The following KANK4 variants were observed in gnomAD, a reference collection of about 807,000 sequenced individuals.
KANK4 encodes the protein KN motif and ankyrin repeat domains 4, also known as KN motif and ankyrin repeat domain-containing protein 4.
In KANK4, 50 loss-of-function variants were observed where a neutral mutation model predicts 80.8. That is an observed-to-expected ratio of 0.62 (90% CI 0.49 to 0.78). The LOEUF is 0.78. KANK4 is among the 30% of genes least tolerant of loss of function. The pLI is 0.00. For missense variants in KANK4, 1,196 were observed against 1,240.1 expected (o/e 0.96, Z 0.53); for synonymous variants, 465 against 506.9 (o/e 0.92, Z 1.11).
intron 2 of KANK4, among the ~76,000 whole-genome samples, chr1:62,278,873 T>C (rs1333698320): frequency 6.6e-6 from 1 of 152,144 alleles, no homozygotes; most frequent in Non-Finnish European, 1.5e-5. Context: ...CCACAGATTA[T>C]AAGGACAGGC....
At chr1:62,318,156 C>T (rs1644557783) in intron 1 of KANK4, among the ~76,000 whole-genome samples, 1 of 152,198 alleles carries the variant, frequency 6.6e-6, no homozygotes, top group South Asian at 2.1e-4. Context: ...TCACTGGCTG[C>T]ATCTGATCCT....
chr1:62,307,726 G>A (rs1644464361), intron 1 of KANK4, among the ~76,000 whole-genome samples: 1 of 152,020 alleles, frequency 6.6e-6, no homozygotes, highest in Admixed American at 6.5e-5. Context: ...GGCCATGGTG[G>A]GAGTGACTCA....
chr1:62,271,306 G>T (rs1672155665), intron 4 of KANK4, among the ~76,000 whole-genome samples, 172 bp downstream of exon 4: 1 of 152,186 alleles, frequency 6.6e-6, no homozygotes. Context: ...ACCACAGCTG[G>T]CAAGAAGCCA....
At chr1:62,252,308 C>G (rs1671641578) in intron 8 of KANK4, among the ~76,000 whole-genome samples, 1 of 152,244 alleles carries the variant, frequency 6.6e-6, no homozygotes, top group African/African-American at 2.4e-5. Context: ...TTCGCAGCAA[C>G]TGCTGCTCCC....
intron 6 of KANK4, 89 bp downstream of exon 6, chr1:62,266,643 C>A (rs1427495737): frequency 3.6e-6 from 3 of 832,310 alleles, no homozygotes; most frequent in Non-Finnish European, 6.1e-6. Context: ...GCCTGCCTCA[C>A]ACCACTGAAT....
intron 1 of KANK4, among the ~76,000 whole-genome samples, chr1:62,293,131 A>C (rs1217092526): frequency 1.3e-5 from 2 of 151,452 alleles, no homozygotes; most frequent in African/African-American, 4.9e-5. Flanking sequence ...TCTGTTGCCC[A>C]GGCTGGAGTA....
intron 3 of KANK4, 122 bp downstream of exon 3, chr1:62,273,082 C>T: frequency 1.5e-6 from 1 of 673,344 alleles, no homozygotes; most frequent in East Asian, 3.0e-5. Flanking sequence ...TGAGCCACTG[C>T]TCCCAGCTGC....
At chr1:62,252,066 C>T (rs1042960408) in intron 8 of KANK4, among the ~76,000 whole-genome samples, 3 of 151,480 alleles carry the variant, frequency 2.0e-5, no homozygotes, top group African/African-American at 7.3e-5. Flanking sequence ...TCTAGAGTAA[C>T]AAATGGGCTA....
At chr1:62,297,900 G>A (rs541446471) in intron 1 of KANK4, among the ~76,000 whole-genome samples, 7 of 152,290 alleles carry the variant, frequency 4.6e-5, no homozygotes, top group African/African-American at 7.2e-5. Flanking sequence ...CTTTGCAGAT[G>A]GAACACTCTG....
In KANK4 at chr1:62,319,281, C is replaced by A. The variant is rs944459109; in HGVS notation, c.-246G>T. The A allele has an allele frequency of 1.3e-5, 2 of 151,908 alleles. No individual in the cohort carries two copies. Among genetic ancestry groups the A allele is most frequent in the African/African-American group, 2.4e-5 (1 of 41,402 alleles). The allele number at this position is 151,908 out of a possible 1,614,324, so 9.4% of individuals were successfully genotyped here. A position where few individuals can be genotyped will look rare whatever the true frequency, so the allele number is the denominator to read the frequency against. The stretch of plus-strand genomic sequence containing the variant: ...GTCCGCGGCGCGCACACCCTCCAGG[C>A]GCCCTCTGGCCGACGGTCTCGGCCC... On this transcript the variant is annotated 5_prime_UTR_variant, in exon 1 of 10. Coordinates refer to ENST00000371153, the MANE Select transcript of KANK4 (RefSeq NM_181712.5).
chr1:62,287,465 G>A (rs1026264835), intron 1 of KANK4, among the ~76,000 whole-genome samples: 18 of 152,158 alleles, frequency 1.2e-4, no homozygotes, highest in African/African-American at 4.3e-4. Context: ...TCTAACCCAT[G>A]CTGAAATTGA....
At chr1:62,290,440 T>C (rs1245226767) in intron 1 of KANK4, among the ~76,000 whole-genome samples, 2 of 152,198 alleles carry the variant, frequency 1.3e-5, no homozygotes, top group African/African-American at 4.8e-5. Context: ...CCTGGCTGCA[T>C]GACCCTGAGA....
At chr1:62,276,005 A>G (rs774872833) in intron 2 of KANK4, among the ~76,000 whole-genome samples, 2 of 151,948 alleles carry the variant, frequency 1.3e-5, no homozygotes, top group Non-Finnish European at 2.9e-5. Flanking sequence ...AAAAGGGCCA[A>G]TTAATGTCAA....
Position 62,266,736 on chromosome 1 carries a change from A to G in KANK4, c.2315T>C (p.Leu772Pro), listed in dbSNP as rs1033090133. 2 of 1,597,860 alleles carry G rather than the reference A, an allele frequency of 1.3e-6. No individual in the cohort carries two copies. Among genetic ancestry groups the G allele is most frequent in the African/African-American group, 2.7e-5 (2 of 74,596 alleles). Reference protein sequence around the residue: ...LPETGTTTDQLLRQSLNTISQ... With the variant: ...LPETGTTTDQPLRQSLNTISQ... ...GACAATGAAAAATTAGAGTACCAAG[A>G]GCTGGTCTGTGGTGGTCCCAGTTTC... Residue 772 changes from leucine to proline, a missense_variant, in exon 6 of 10, where the codon CTC becomes CCC. Around this residue, in one of 3 missense-constraint regions of KANK4, gnomAD observed 1,154 missense variants for 1,179.6 expected, o/e 0.98. Transcript: ENST00000371153.
At chr1:62,285,407 C>T (rs1317706154) in intron 1 of KANK4, among the ~76,000 whole-genome samples, 1 of 152,172 alleles carries the variant, frequency 6.6e-6, no homozygotes, top group Non-Finnish European at 1.5e-5. Context: ...TTTATCCGCA[C>T]CCTCTCCTCT....
At chr1:62,245,791 T>A (rs1044203311) in intron 9 of KANK4, among the ~76,000 whole-genome samples, 11 of 152,168 alleles carry the variant, frequency 7.2e-5, no homozygotes, top group Non-Finnish European at 1.6e-4. Context: ...TATTATTATA[T>A]CTACTGTAAT....
chr1:62,264,276 G>C (rs1477705688), intron 6 of KANK4, among the ~76,000 whole-genome samples: 1 of 152,144 alleles, frequency 6.6e-6, no homozygotes, highest in Non-Finnish European at 1.5e-5. Context: ...AATTAGCCGG[G>C]CAAGGTGGCT....
chr1:62,303,671 T>C (rs1201891732), intron 1 of KANK4, among the ~76,000 whole-genome samples: 6 of 152,054 alleles, frequency 3.9e-5, no homozygotes, highest in Admixed American at 3.9e-4. Context: ...GCTGTAAGTG[T>C]AAAGTACACC....
chr1:62,290,855 C>T (rs1672664483), intron 1 of KANK4, among the ~76,000 whole-genome samples: 1 of 152,048 alleles, frequency 6.6e-6, no homozygotes, highest in Non-Finnish European at 1.5e-5. Flanking sequence ...CGCCATTCTC[C>T]TGCCTCAGTC....
Sources: gnomAD v4.1 joint callset for allele counts (sites outside exome capture counted in the v4.1 genomes callset) on GRCh38, gnomAD v4.1.1 for gene constraint, gnomAD v4.1.1 regional missense constraint, MANE v1.5 for transcripts, NCBI Gene and HGNC (gene_info 2026-07-23, HGNC 2026-07-21) for gene names.